The following LRP5 variants were observed in gnomAD, a reference collection of about 807,000 sequenced individuals.
The protein encoded by LRP5 is LDL receptor related protein 5.
LRP5 carries 62 observed loss-of-function variants against 154.1 expected under a neutral mutation model. The observed-to-expected ratio is 0.40, with a 90% CI of 0.33 to 0.50. LRP5 has a LOEUF of 0.50. Among genes scored for constraint, LRP5 ranks in the 20% least tolerant of loss-of-function variants. The pLI, the probability that LRP5 is intolerant of heterozygous loss-of-function variation, is 0.55. For synonymous variants in LRP5, 966 were observed against 1,011.5 expected, an observed-to-expected ratio of 0.96 and a Z score of 0.85; for missense variants, 1,915 against 2,336.7, an observed-to-expected ratio of 0.82 and a Z score of 3.72.
chr11:68,446,898 G>GC (rs1011478230), intron 22 of LRP5: 57 of 358,836 alleles, frequency 1.6e-4, no homozygotes, highest in Admixed American at 2.3e-4. Context: ...CCATTGAGAT[G>GC]CCCCCTCTTG....
intron 5 of LRP5, among the ~76,000 whole-genome samples, chr11:68,375,335 G>A (rs1416355877): frequency 2.0e-5 from 3 of 152,184 alleles, no homozygotes; most frequent in African/African-American, 4.8e-5. Context: ...ACACTAGAAG[G>A]CTCCGACTCC....
Position 68,446,585 on chromosome 11 carries a change from G to A in LRP5, c.4586+52G>A, listed in dbSNP as rs1249700785. On this transcript the variant is annotated intron_variant, in intron 22 of 22. Coordinates refer to ENST00000294304, the MANE Select transcript of LRP5 (RefSeq NM_002335.4). ...GGCCATTGGGTTCCCGCCAGCCCGT[G>A]GTGGAGGGGCCTAATCCCCATGCCA... The A allele has an allele frequency of 6.8e-6, 10 of 1,467,864 alleles. No homozygotes were observed. The African/African-American group carries it at 1.3e-4, about 18-fold the overall frequency. The allele number at this position is 1,467,864 out of a possible 1,614,324, so 90.9% of individuals were successfully genotyped here.
intron 2 of LRP5, among the ~76,000 whole-genome samples, chr11:68,355,128 ACCTGAGGCT>A (rs1438104382): frequency 1.3e-5 from 2 of 152,120 alleles, no homozygotes; most frequent in Non-Finnish European, 2.9e-5. Context: ...CCCTTGGTGC[ACCTGAGGCT>A]CCTGAGGCTG....
Position 68,413,038 on chromosome 11 carries a change from C to T in LRP5, c.2504-651C>T, listed in dbSNP as rs1223451739. On this transcript the variant is annotated intron_variant, in intron 11 of 22. Transcript: ENST00000294304. This position sits in a 1 kb window ranked among gnomAD's most constrained non-coding sequence, Gnocchi z 5.1. ...GTGGGCTGCACCCTGACTTGTGAGG[C>T]CAGTAGCAAGGTTTGCACGTGACTT... 5.5e-6 allele frequency: 1 copy of T among 183,006 alleles called. No individual in the cohort carries two copies. Among genetic ancestry groups the T allele is most frequent in the Non-Finnish European group, 1.2e-5 (1 of 86,000 alleles). 11.3% of individuals were successfully genotyped at this position (183,006 alleles called of 1,614,324 possible). A position where few individuals can be genotyped will look rare whatever the true frequency, so the allele number is the denominator to read the frequency against.
intron 1 of LRP5, among the ~76,000 whole-genome samples, chr11:68,325,121 G>A (rs1459651825): frequency 6.6e-6 from 1 of 152,192 alleles, no homozygotes; most frequent in Admixed American, 6.5e-5. Flanking sequence ...TGGAGCCCCT[G>A]ACCAAGGCCC....
chr11:68,327,836 G>A (rs1305833821), intron 1 of LRP5, among the ~76,000 whole-genome samples: 3 of 152,162 alleles, frequency 2.0e-5, no homozygotes, highest in Admixed American at 6.5e-5. Context: ...AGAGCCCCTC[G>A]CACGCTGTCA....
At chr11:68,341,074 T>TTTTTTTTTTTTTTTTTTTTTTTTA (rs2098608833) in intron 1 of LRP5, among the ~76,000 whole-genome samples, 1 of 149,788 alleles carries the variant, frequency 6.7e-6, no homozygotes, top group Non-Finnish European at 1.5e-5. Flanking sequence ...TTTTTTTTTT[T>TTTTTTTTTTTTTTTTTTTTTTTTA]TTTTGCTATT....
At chr11:68,329,846 G>A (rs756462287) in intron 1 of LRP5, among the ~76,000 whole-genome samples, 2 of 152,212 alleles carry the variant, frequency 1.3e-5, no homozygotes. Flanking sequence ...GGCCGCTTCC[G>A]GGGGCTTGGC....
At chr11:68,401,672 G>T (rs1399308233) in intron 7 of LRP5, among the ~76,000 whole-genome samples, 1 of 152,078 alleles carries the variant, frequency 6.6e-6, no homozygotes, top group Non-Finnish European at 1.5e-5. Context: ...AGAGCTTCCA[G>T]TCCCCTTCCC....
intron 22 of LRP5, among the ~76,000 whole-genome samples, chr11:68,448,485 C>T (rs1052180925): frequency 2.6e-5 from 4 of 152,206 alleles, no homozygotes; most frequent in Non-Finnish European, 4.4e-5. Flanking sequence ...AACTAAAGCT[C>T]GAAGAGGTCA....
chr11:68,300,699 G>A, the LRP5 span, among the ~76,000 whole-genome samples: 9 of 149,304 alleles, frequency 6.0e-5, no homozygotes, highest in Non-Finnish European at 1.2e-4. Context: ...GGTGGGGGCC[G>A]GGGGAGGTCC....
chr11:68,327,350 C>T (rs1204399084), intron 1 of LRP5, among the ~76,000 whole-genome samples: 2 of 152,166 alleles, frequency 1.3e-5, no homozygotes, highest in East Asian at 3.9e-4. Context: ...ATGAGGGGAC[C>T]CAGTGAAGGC....
Position 68,423,797 on chromosome 11 carries a change from C to A in LRP5, c.3236+100C>A. 4 of 1,182,214 alleles carry A rather than the reference C, an allele frequency of 3.4e-6. No homozygotes were observed. Among genetic ancestry groups the A allele is most frequent in the South Asian group, 1.4e-5 (1 of 72,242 alleles). 73.2% of individuals were successfully genotyped at this position (1,182,214 alleles called of 1,614,324 possible). A position where few individuals can be genotyped will look rare whatever the true frequency, so the allele number is the denominator to read the frequency against. ...TCTCACAGGCTGGGGAGACTTTCCA[C>A]CCTGGGGATCCAATGGGTGGCTTTC... On this transcript the variant is annotated intron_variant, in intron 14 of 22. Coordinates refer to ENST00000294304, the MANE Select transcript of LRP5 (RefSeq NM_002335.4). The surrounding 1 kb of genome is among the most constrained non-coding windows in gnomAD (Gnocchi z 4.7).
chr11:68,421,735 G>GGT (rs145446201), intron 13 of LRP5, among the ~76,000 whole-genome samples: 63 of 147,076 alleles, frequency 4.3e-4, no homozygotes, highest in African/African-American at 1.3e-3. Flanking sequence ...GTGTGTGTGT[G>GGT]GTGTGTGTGT....
rs766714137 is a variant in LRP5 at position 68,449,108 on chromosome 11, A to G, written c.*38A>G. ...CACTCTGGCTTCTCTGTGCCCCTGT[A>G]AATAGTTTTAAATATGAACAAAGAA... On this transcript the variant is annotated 3_prime_UTR_variant, in exon 23 of 23. Transcript: ENST00000294304. The G allele has an allele frequency of 1.4e-6, 2 of 1,451,928 alleles. No homozygotes were observed. Among genetic ancestry groups the G allele is most frequent in the Non-Finnish European group, 1.8e-6 (2 of 1,096,992 alleles). The allele number at this position is 1,451,928 out of a possible 1,614,324, so 89.9% of individuals were successfully genotyped here.
Position 68,426,164 on chromosome 11 carries a change from A to T in LRP5, c.3614A>T (p.Glu1205Val). 6.2e-7 allele frequency: 1 copy of T among 1,612,126 alleles called. No individual in the cohort carries two copies. Among genetic ancestry groups the T allele is most frequent in the Non-Finnish European group, 8.5e-7 (1 of 1,179,948 alleles). ...CACCTCACTGGCATCCATGCAGTGG[A>T]GGAAGTCAGCCTGGAGGAGTTCTGT... ...VAHLTGIHAV[E>V]EVSLEEFSAH... Residue 1205 changes from glutamate to valine, a missense_variant, in exon 16 of 23, where the codon GAG becomes GTG. Physicochemically the swap from Glu to Val is moderately radical, Grantham distance 121 (BLOSUM62 -2). Around this residue, in one of 3 missense-constraint regions of LRP5, gnomAD observed 1,094 missense variants for 1,210.1 expected, o/e 0.90. Transcript: ENST00000294304.
chr11:68,403,208 G>T (rs1395971575), intron 7 of LRP5, among the ~76,000 whole-genome samples: 1 of 152,216 alleles, frequency 6.6e-6, no homozygotes, highest in Admixed American at 6.5e-5. Flanking sequence ...TCTTGCCACT[G>T]CACTCCAGCC....
At chr11:68,343,016 G>A (rs2098610047) in intron 1 of LRP5, among the ~76,000 whole-genome samples, 1 of 152,222 alleles carries the variant, frequency 6.6e-6, no homozygotes, top group South Asian at 2.1e-4. Flanking sequence ...GCCCCTAAGG[G>A]CAGGTATGCC....
rs373568580 is a variant in LRP5 at position 68,406,830 on chromosome 11, C to T, written c.2091+17C>T. On this transcript the variant is annotated intron_variant, in intron 9 of 22. Transcript: ENST00000294304. The stretch of plus-strand genomic sequence containing the variant: ...AGCCTGAAGGTAGCGTGGGCCAGAA[C>T]GTGCACACAGGCAGCCTTTATGGGA... The T allele has an allele frequency of 2.5e-5, 40 of 1,612,782 alleles. No individual in the cohort carries two copies. The highest frequency in any genetic ancestry group is 1.7e-4 in the Middle Eastern group (1 of 6,018).
Sources: allele counts gnomAD v4.1 joint callset (sites outside exome capture counted in the v4.1 genomes callset), GRCh38; gene constraint gnomAD v4.1.1; regional missense constraint gnomAD v4.1.1; non-coding constraint Gnocchi (gnomAD v3.1); transcripts MANE v1.5; gene names NCBI Gene and HGNC (gene_info 2026-07-23, HGNC 2026-07-21).